ATRNL1: variants seen among roughly 807,000 people sequenced by gnomAD.
ATRNL1 encodes attractin-like protein 1.
A neutral mutation model predicts 182.7 loss-of-function variants in ATRNL1; 95 were observed. The observed-to-expected ratio is 0.52, with a 90% CI of 0.44 to 0.62. ATRNL1 has a LOEUF of 0.62. Among genes scored for constraint, ATRNL1 ranks in the 20% least tolerant of loss-of-function variants. ATRNL1 has a pLI of 0.00. For synonymous variants in ATRNL1, 576 were observed against 568.3 expected (o/e 1.01, Z -0.19); for missense variants, 1,471 against 1,679.5 (o/e 0.88, Z 2.17).
At chr10:115,167,476 T>C (rs1461878762) in intron 7 of ATRNL1, among the ~76,000 whole-genome samples, 1 of 152,062 alleles carries the variant, frequency 6.6e-6, no homozygotes, top group East Asian at 1.9e-4. Context: ...ACATTAGTTA[T>C]TTTTATGTAT....
intron 26 of ATRNL1, among the ~76,000 whole-genome samples, chr10:115,569,920 G>C (rs1330922904): frequency 6.6e-6 from 1 of 152,042 alleles, no homozygotes; most frequent in Non-Finnish European, 1.5e-5. Context: ...CAGCAGATTT[G>C]GTGTCTGGCG....
At chr10:115,265,487 A>C (rs1234369726) in intron 11 of ATRNL1, among the ~76,000 whole-genome samples, 1 of 151,654 alleles carries the variant, frequency 6.6e-6, no homozygotes, top group Non-Finnish European at 1.5e-5. Flanking sequence ...GGGAGTAGGT[A>C]AAGGAAAGGT....
chr10:115,847,463 G>A (rs1950955773), intron 27 of ATRNL1, among the ~76,000 whole-genome samples: 3 of 152,056 alleles, frequency 2.0e-5, no homozygotes, highest in Admixed American at 2.0e-4. Flanking sequence ...ATATGTATCT[G>A]TGTATGTATA....
chr10:115,306,371 T>G (rs1408265140), intron 17 of ATRNL1, among the ~76,000 whole-genome samples: 1 of 152,190 alleles, frequency 6.6e-6, no homozygotes, highest in African/African-American at 2.4e-5. Context: ...AGAATTCCAA[T>G]GCCAATCTAA....
chr10:115,258,123 T>C (rs1368730911), intron 10 of ATRNL1, among the ~76,000 whole-genome samples: 4 of 152,126 alleles, frequency 2.6e-5, no homozygotes, highest in African/African-American at 9.7e-5. Context: ...TTTGTGGTGT[T>C]CTCTGTATTT....
intron 27 of ATRNL1, among the ~76,000 whole-genome samples, chr10:115,796,521 A>AT (rs1311777276): frequency 2.0e-5 from 3 of 152,066 alleles, no homozygotes; most frequent in African/African-American, 7.2e-5. Flanking sequence ...AAGGAACCAC[A>AT]TTTTTTCCAT....
At chr10:115,874,447 G>A (rs1423937429) in intron 28 of ATRNL1, among the ~76,000 whole-genome samples, 1 of 152,106 alleles carries the variant, frequency 6.6e-6, no homozygotes, top group Non-Finnish European at 1.5e-5. Flanking sequence ...TTCTTTACAG[G>A]TGTTTCTTGA....
At chr10:115,392,743 G>A (rs1047078234) in intron 19 of ATRNL1, among the ~76,000 whole-genome samples, 4 of 152,058 alleles carry the variant, frequency 2.6e-5, no homozygotes, top group Non-Finnish European at 4.4e-5. Context: ...TGCAATTCTC[G>A]TGATCTGTGG....
chr10:115,837,199 C>T (rs1950694514), intron 27 of ATRNL1, among the ~76,000 whole-genome samples: 1 of 151,956 alleles, frequency 6.6e-6, no homozygotes, highest in African/African-American at 2.4e-5. Context: ...AGGAAAAGAC[C>T]TAAAGGAATG....
chr10:115,800,621 T>G lies in ATRNL1; in HGVS notation c.3904-47256T>G, dbSNP rs553810323. ...CAGAGGCTCCTACCATGACCATTAA[T>G]GGACTGAGTTTTTGTGTCCCTACGA... is the stretch of plus-strand genomic sequence containing the variant. On this transcript the variant is annotated intron_variant, in intron 27 of 28. Coordinates refer to ENST00000355044, the MANE Select transcript of ATRNL1 (RefSeq NM_207303.4). 1.6e-3 allele frequency among the ~76,000 whole-genome samples: 247 copies of G among 152,312 alleles called. 11 individuals are homozygous for G. The South Asian group carries it at 0.049, about 30-fold the overall frequency.
chr10:115,591,629 G>C (rs76499676), intron 26 of ATRNL1, among the ~76,000 whole-genome samples: 2 of 152,112 alleles, frequency 1.3e-5, no homozygotes, highest in Non-Finnish European at 2.9e-5. Context: ...TGAAATATTC[G>C]TGGAGCATTG....
intron 26 of ATRNL1, among the ~76,000 whole-genome samples, chr10:115,725,141 T>G (rs527538423): frequency 9.0e-4 from 137 of 152,308 alleles, no homozygotes; most frequent in Middle Eastern, 3.4e-3. Flanking sequence ...AGAAGAATAT[T>G]TTTCTTGTTC....
At chr10:115,145,201 G>A (rs1481954215) in intron 5 of ATRNL1, among the ~76,000 whole-genome samples, 1 of 152,254 alleles carries the variant, frequency 6.6e-6, no homozygotes, top group South Asian at 2.1e-4. Context: ...AATGTGTGGT[G>A]CAAGGGTTAT....
chr10:115,184,682 A>T (rs2144185670), intron 8 of ATRNL1, among the ~76,000 whole-genome samples: 1 of 151,992 alleles, frequency 6.6e-6, no homozygotes, highest in African/African-American at 2.4e-5. Context: ...AGAAACATTG[A>T]TTTTTAGAAT....
At chr10:115,873,777 A>G (rs1951638119) in intron 28 of ATRNL1, among the ~76,000 whole-genome samples, 2 of 152,250 alleles carry the variant, frequency 1.3e-5, no homozygotes, top group Admixed American at 6.5e-5. Flanking sequence ...TTCAAAGACC[A>G]ATGAGACTGA....
intron 21 of ATRNL1, among the ~76,000 whole-genome samples, chr10:115,438,789 T>A (rs1846526731): frequency 6.6e-6 from 1 of 152,030 alleles, no homozygotes; most frequent in South Asian, 2.1e-4. Flanking sequence ...TTATCTTGTA[T>A]GTTTTTGTTA....
chr10:115,692,682 T>G (rs1325536280), intron 26 of ATRNL1, among the ~76,000 whole-genome samples: 5 of 151,884 alleles, frequency 3.3e-5, no homozygotes, highest in African/African-American at 4.8e-5. Flanking sequence ...CTATAAGAGA[T>G]TCATTGAATG....
rs577356786 is a variant in ATRNL1, at chr10:115,380,072, C to T, written c.3176-14587C>T. 4.6e-5 allele frequency among the ~76,000 whole-genome samples: 7 copies of T among 152,236 alleles called. 1 individual carries two copies. The South Asian group carries it at 6.2e-4, about 14-fold the overall frequency. On this transcript the variant is annotated intron_variant, in intron 19 of 28. Transcript: ENST00000355044. ...GTCTCGATCTGCTGACTTTGTGATC[C>T]GCCCGCCTCAGCCTCCCAAAGTGCT...
At chr10:115,709,137 T>G (rs1171020948) in intron 26 of ATRNL1, among the ~76,000 whole-genome samples, 4 of 151,816 alleles carry the variant, frequency 2.6e-5, no homozygotes, top group Non-Finnish European at 5.9e-5. Flanking sequence ...TCAGGTCTAT[T>G]TTAATAATAT....
Sources: gnomAD v4.1 joint callset for allele counts (sites outside exome capture counted in the v4.1 genomes callset) on GRCh38, gnomAD v4.1.1 for gene constraint, MANE v1.5 for transcripts, NCBI Gene and HGNC (gene_info 2026-07-23, HGNC 2026-07-21) for gene names.